Variants in PPM1L observed in about 807,000 individuals in gnomAD.
PPM1L encodes protein phosphatase, Mg2+/Mn2+ dependent 1L.
In PPM1L, 13 loss-of-function variants were observed where a neutral mutation model predicts 31.4. The observed-to-expected ratio is 0.41, with a 90% CI of 0.27 to 0.66. PPM1L has a LOEUF of 0.66. PPM1L is among the 30% of genes least tolerant of loss of function. The pLI is 0.29. For missense variants in PPM1L, 326 were observed against 453.7 expected, an observed-to-expected ratio of 0.72 and a Z score of 2.56; for synonymous variants, 184 against 175.4, an observed-to-expected ratio of 1.05 and a Z score of -0.39.
intron 1 of PPM1L, among the ~76,000 whole-genome samples, chr3:160,759,490 G>A (rs765175341): frequency 1.5e-4 from 23 of 152,064 alleles, no homozygotes; most frequent in Admixed American, 4.6e-4. Flanking sequence ...TATGTGGCTA[G>A]TTCAAGGCCT....
At chr3:160,815,331 C>T (rs1042203491) in intron 1 of PPM1L, among the ~76,000 whole-genome samples, 4 of 152,172 alleles carry the variant, frequency 2.6e-5, no homozygotes, top group African/African-American at 9.7e-5. Context: ...TAAATGCTGT[C>T]TACCTGCTCT....
At chr3:160,829,704 A>C (rs2108096602) in intron 1 of PPM1L, among the ~76,000 whole-genome samples, 1 of 152,286 alleles carries the variant, frequency 6.6e-6, no homozygotes, top group Admixed American at 6.5e-5. Flanking sequence ...GTAGCCTGTC[A>C]GCTCTTCTTG....
At chr3:160,877,030 C>T (rs891008167) in intron 1 of PPM1L, among the ~76,000 whole-genome samples, 2 of 152,132 alleles carry the variant, frequency 1.3e-5, no homozygotes, top group Admixed American at 1.3e-4. Flanking sequence ...TCTGGAGAGT[C>T]TAGGTTTGCA....
At chr3:160,998,888 A>G (rs1205502769) in intron 2 of PPM1L, among the ~76,000 whole-genome samples, 2 of 152,202 alleles carry the variant, frequency 1.3e-5, no homozygotes, top group East Asian at 1.9e-4. Flanking sequence ...ACAAAGGTAC[A>G]TGACTTTTTA....
chr3:160,947,146 C>G (rs1467041224), intron 1 of PPM1L, among the ~76,000 whole-genome samples: 1 of 152,160 alleles, frequency 6.6e-6, no homozygotes, highest in Non-Finnish European at 1.5e-5. Flanking sequence ...AACTCAGACT[C>G]TTCATCATAA....
chr3:160,941,430 A>G (rs1715158001), intron 1 of PPM1L, among the ~76,000 whole-genome samples: 1 of 152,164 alleles, frequency 6.6e-6, no homozygotes, highest in African/African-American at 2.4e-5. Flanking sequence ...CAGAATTCCC[A>G]TGTGTTGTGA....
intron 1 of PPM1L, among the ~76,000 whole-genome samples, chr3:160,932,802 C>T (rs186918001): frequency 1.3e-5 from 2 of 152,246 alleles, no homozygotes; most frequent in Admixed American, 1.3e-4. Context: ...TGAAATAGAA[C>T]TGAATTTGAA....
At chr3:160,929,949 A>T (rs1714728718) in intron 1 of PPM1L, among the ~76,000 whole-genome samples, 1 of 152,146 alleles carries the variant, frequency 6.6e-6, no homozygotes, top group Non-Finnish European at 1.5e-5. Flanking sequence ...CTGTAGGGGC[A>T]CATGCCAGGC....
chr3:160,930,623 A>G (rs907738567), intron 1 of PPM1L, among the ~76,000 whole-genome samples: 31 of 152,226 alleles, frequency 2.0e-4, no homozygotes, highest in Admixed American at 2.0e-3. Context: ...ATGCCAACAG[A>G]AGACATGACC....
chr3:160,925,418 G>A (rs1266292196), intron 1 of PPM1L, among the ~76,000 whole-genome samples: 1 of 152,118 alleles, frequency 6.6e-6, no homozygotes. Flanking sequence ...TAGCCATTTA[G>A]GTGATCAAAA....
At chr3:160,965,945 AT>A (rs1026960878) in intron 2 of PPM1L, among the ~76,000 whole-genome samples, 2 of 152,028 alleles carry the variant, frequency 1.3e-5, no homozygotes, top group African/African-American at 4.8e-5. Flanking sequence ...ACACTTAGAC[AT>A]TTTTCTAAAA....
intron 2 of PPM1L, among the ~76,000 whole-genome samples, chr3:161,021,673 G>A (rs1405540888): frequency 1.3e-5 from 2 of 151,896 alleles, no homozygotes; most frequent in African/African-American, 2.4e-5. Flanking sequence ...CTTTAATTCT[G>A]TTAGTTTTTG....
At chr3:161,034,730 A>C (rs1042484643) in intron 2 of PPM1L, among the ~76,000 whole-genome samples, 2 of 151,918 alleles carry the variant, frequency 1.3e-5, no homozygotes, top group South Asian at 4.2e-4. Flanking sequence ...GAGGGATAGC[A>C]TTAGGAGAAA....
chr3:160,970,881 C>T (rs1427778909), intron 2 of PPM1L, among the ~76,000 whole-genome samples: 2 of 150,654 alleles, frequency 1.3e-5, no homozygotes, highest in African/African-American at 2.5e-5. Flanking sequence ...GCTCCGCCCC[C>T]TGGGGTTCAC....
chr3:160,885,541 C>T (rs1470902450), intron 1 of PPM1L, among the ~76,000 whole-genome samples: 1 of 152,204 alleles, frequency 6.6e-6, no homozygotes, highest in Non-Finnish European at 1.5e-5. Context: ...CTCATCAGAA[C>T]CAACTAGACT....
intron 2 of PPM1L, among the ~76,000 whole-genome samples, chr3:161,043,631 T>C (rs1460236022): frequency 6.6e-6 from 1 of 152,216 alleles, no homozygotes; most frequent in Non-Finnish European, 1.5e-5. Flanking sequence ...GCCACCAATG[T>C]TGAATTGGTT....
At chr3:160,826,887 G>A (rs998418800) in intron 1 of PPM1L, among the ~76,000 whole-genome samples, 5 of 152,146 alleles carry the variant, frequency 3.3e-5, no homozygotes, top group African/African-American at 1.2e-4. Flanking sequence ...TGAAGAGGCT[G>A]TAGGTCTGCA....
intron 2 of PPM1L, among the ~76,000 whole-genome samples, chr3:161,005,006 C>T (rs1400250724): frequency 6.6e-6 from 1 of 152,084 alleles, no homozygotes. Context: ...CTACACACTG[C>T]TTTGAATGCG....
intron 1 of PPM1L, among the ~76,000 whole-genome samples, chr3:160,827,447 T>TTGTGTGTGTGTGTGTGTGTGTG (rs59524935): frequency 6.4e-5 from 9 of 141,358 alleles, no homozygotes; most frequent in Non-Finnish European, 1.1e-4. Flanking sequence ...TGATATAAGT[T>TTGTGTGTGTGTGTGTGTGTGTG]TGTGTGTGTG....
Sources: allele counts gnomAD v4.1 joint callset (sites outside exome capture counted in the v4.1 genomes callset), GRCh38; gene constraint gnomAD v4.1.1; transcripts MANE v1.5; gene names NCBI Gene and HGNC (gene_info 2026-07-23, HGNC 2026-07-21).